The following IGF1R variants were observed in gnomAD, a reference collection of about 807,000 sequenced individuals.
IGF1R encodes the protein insulin like growth factor 1 receptor, also known as insulin-like growth factor 1 receptor.
Under a neutral mutation model 144.6 loss-of-function variants are expected in IGF1R, and 44 were observed. The observed-to-expected ratio is 0.30, with a 90% CI of 0.24 to 0.39. The LOEUF is 0.39. Among genes scored for constraint, IGF1R ranks in the 10% least tolerant of loss-of-function variants. IGF1R has a pLI of 1.00. For missense variants in IGF1R, 1,355 were observed against 1,833.7 expected (o/e 0.74, Z 4.77); for synonymous variants, 795 against 722.8 (o/e 1.10, Z -1.60).
At chr15:98,693,872 C>G (rs1892242428) in intron 1 of IGF1R, among the ~76,000 whole-genome samples, 1 of 152,202 alleles carries the variant, frequency 6.6e-6, no homozygotes, top group South Asian at 2.1e-4. Context: ...TCCCAAAGTG[C>G]TGGGATTACA....
intron 2 of IGF1R, among the ~76,000 whole-genome samples, chr15:98,738,217 C>T (rs2054657120): frequency 6.6e-6 from 1 of 152,158 alleles, no homozygotes; most frequent in Non-Finnish European, 1.5e-5. Context: ...GTTGTAAGGC[C>T]AGGAGATAGA....
chr15:98,764,787 G>T (rs1187012450), intron 2 of IGF1R, among the ~76,000 whole-genome samples: 1 of 151,978 alleles, frequency 6.6e-6, no homozygotes, highest in East Asian at 1.9e-4. Context: ...TGGGAGATTT[G>T]TTTAAAAAAT....
intron 10 of IGF1R, among the ~76,000 whole-genome samples, chr15:98,919,909 A>G (rs1047411378): frequency 2.6e-5 from 4 of 152,206 alleles, no homozygotes; most frequent in African/African-American, 4.8e-5. Context: ...AGAACAATGT[A>G]TTTGTGGGAT....
At chr15:98,828,774 GTTTTT>G (rs200266374) in intron 2 of IGF1R, among the ~76,000 whole-genome samples, 3 of 124,006 alleles carry the variant, frequency 2.4e-5, no homozygotes, top group Non-Finnish European at 5.1e-5. Context: ...GCTGAGCATG[GTTTTT>G]TTTTTTTTTT....
chr15:98,818,072 C>T (rs1381782105), intron 2 of IGF1R, among the ~76,000 whole-genome samples: 2 of 152,208 alleles, frequency 1.3e-5, no homozygotes, highest in African/African-American at 4.8e-5. Flanking sequence ...TGTCTCTTCA[C>T]TGATTAAGGA....
intron 2 of IGF1R, among the ~76,000 whole-genome samples, chr15:98,759,957 G>A (rs1280158388): frequency 4.6e-5 from 7 of 152,192 alleles, no homozygotes; most frequent in Non-Finnish European, 1.0e-4. Context: ...TTTGCAGACA[G>A]AGCCACTGCC....
intron 19 of IGF1R, among the ~76,000 whole-genome samples, chr15:98,944,696 G>A (rs1427301649): frequency 6.6e-6 from 1 of 152,200 alleles, no homozygotes; most frequent in East Asian, 1.9e-4. Context: ...TTAGGATTTG[G>A]GATGTATCCC....
chr15:98,703,250 A>C (rs925055753), intron 1 of IGF1R, among the ~76,000 whole-genome samples: 1 of 152,138 alleles, frequency 6.6e-6, no homozygotes, highest in South Asian at 2.1e-4. Flanking sequence ...GAAGGGAGAA[A>C]GGGTATTTTG....
intron 2 of IGF1R, among the ~76,000 whole-genome samples, chr15:98,729,030 G>GC (rs2054433312): frequency 6.6e-6 from 1 of 152,202 alleles, no homozygotes; most frequent in Non-Finnish European, 1.5e-5. Context: ...ATGGCACAAT[G>GC]CCTCAATGAA....
intron 2 of IGF1R, among the ~76,000 whole-genome samples, chr15:98,877,411 C>CCAA (rs1355393113): frequency 6.6e-6 from 1 of 151,180 alleles, no homozygotes; most frequent in Non-Finnish European, 1.5e-5. Context: ...TCCAGCCTCA[C>CCAA]CAACAGCCAC....
At chr15:98,655,168 T>C (rs558566296) in intron 1 of IGF1R, among the ~76,000 whole-genome samples, 1 of 149,186 alleles carries the variant, frequency 6.7e-6, no homozygotes, top group Non-Finnish European at 1.5e-5. Flanking sequence ...ATTTGGAATA[T>C]AAAATGGTTA....
At chr15:98,686,351 T>G (rs187148180) in intron 1 of IGF1R, among the ~76,000 whole-genome samples, 53 of 152,388 alleles carry the variant, frequency 3.5e-4, no homozygotes, top group African/African-American at 1.2e-3. Flanking sequence ...TCCCCCGCTT[T>G]GGCTACTGTG....
chr15:98,932,158 A>G (rs2015969261), intron 15 of IGF1R, among the ~76,000 whole-genome samples: 2 of 152,204 alleles, frequency 1.3e-5, no homozygotes, highest in Admixed American at 1.3e-4. Flanking sequence ...TCCTTCTAGA[A>G]TGCTTTCATG....
chr15:98,718,490 C>T (rs1243879815), intron 2 of IGF1R, among the ~76,000 whole-genome samples: 3 of 152,184 alleles, frequency 2.0e-5, no homozygotes, highest in Admixed American at 6.5e-5. Context: ...AGCTTAGCCA[C>T]CCTTCATGCA....
intron 2 of IGF1R, among the ~76,000 whole-genome samples, chr15:98,775,775 C>T (rs1483038091): frequency 1.3e-5 from 2 of 152,206 alleles, no homozygotes; most frequent in Non-Finnish European, 2.9e-5. Context: ...GGCCCCACCC[C>T]AGGGTTTCCG....
At chr15:98,670,054 CAG>C (rs776613196) in intron 1 of IGF1R, among the ~76,000 whole-genome samples, 28 of 152,262 alleles carry the variant, frequency 1.8e-4, no homozygotes, top group Non-Finnish European at 3.7e-4. Flanking sequence ...GATTTGGAGA[CAG>C]AGACAAATTT....
At chr15:98,867,264 A>G (rs1420110790) in intron 2 of IGF1R, among the ~76,000 whole-genome samples, 1 of 152,076 alleles carries the variant, frequency 6.6e-6, no homozygotes, top group Non-Finnish European at 1.5e-5. Context: ...CACTTTCTGA[A>G]CCTCGTTCTG....
rs73481807 is a variant in IGF1R at position 98,829,165 on chromosome 15, G to T, written c.641-62160G>T. On this transcript the variant is annotated intron_variant, in intron 2 of 20. Coordinates refer to ENST00000650285, the MANE Select transcript of IGF1R (RefSeq NM_000875.5). Reference sequence around the variant, plus strand: ...CATTTTACCAAGTCCGGCTGAAAGAGCTTCTTACCACATCTGGCATGTAGA... The same window carrying T: ...CATTTTACCAAGTCCGGCTGAAAGATCTTCTTACCACATCTGGCATGTAGA... Among the ~76,000 whole-genome samples, 478 of 152,278 alleles carry T rather than the reference G, an allele frequency of 3.1e-3. 4 individuals carry two copies. Among genetic ancestry groups the T allele is most frequent in the African/African-American group, 0.011 (437 of 41,564 alleles).
At chr15:98,735,543 A>G (rs2054591146) in intron 2 of IGF1R, among the ~76,000 whole-genome samples, 1 of 152,248 alleles carries the variant, frequency 6.6e-6, no homozygotes, top group Non-Finnish European at 1.5e-5. Context: ...AGTGTGTTCC[A>G]GAGAAAGATG....
Sources: allele counts gnomAD v4.1 joint callset (sites outside exome capture counted in the v4.1 genomes callset), GRCh38; gene constraint gnomAD v4.1.1; transcripts MANE v1.5; gene names NCBI Gene and HGNC (gene_info 2026-07-23, HGNC 2026-07-21).